Variants in PTPRQ observed in about 807,000 individuals in gnomAD.
The protein encoded by PTPRQ is protein tyrosine phosphatase receptor type Q.
A neutral mutation model predicts 246.0 loss-of-function variants in PTPRQ; 199 were observed. The observed-to-expected ratio is 0.81, with a 90% CI of 0.72 to 0.91. The LOEUF is 0.91. PTPRQ is among the 40% of genes least tolerant of loss of function. PTPRQ has a pLI of 0.00. For missense variants in PTPRQ, 2,624 were observed against 2,528.4 expected (o/e 1.04, Z -0.81); for synonymous variants, 869 against 853.2 (o/e 1.02, Z -0.32).
intron 16 of PTPRQ, among the ~76,000 whole-genome samples, chr12:80,508,279 G>A (rs1895023485): frequency 6.6e-6 from 1 of 152,018 alleles, no homozygotes; most frequent in Non-Finnish European, 1.5e-5. Context: ...GGAACTCCTT[G>A]CCCTCATGAA....
intron 14 of PTPRQ, among the ~76,000 whole-genome samples, chr12:80,498,963 C>CT (rs1303429631): frequency 6.6e-6 from 1 of 151,824 alleles, no homozygotes; most frequent in Non-Finnish European, 1.5e-5. Context: ...GGACAATAAA[C>CT]TTTAAGTGAA....
intron 36 of PTPRQ, 137 bp from the exon 37 acceptor site, chr12:80,649,451 C>A: frequency 1.7e-6 from 2 of 1,205,510 alleles, no homozygotes; most frequent in Non-Finnish European, 2.2e-6. Context: ...AACAGAGTGA[C>A]TTTAAAAAGC....
chr12:80,480,604 C>A (rs997133562), intron 8 of PTPRQ, among the ~76,000 whole-genome samples: 1 of 150,662 alleles, frequency 6.6e-6, no homozygotes, highest in Non-Finnish European at 1.5e-5. Flanking sequence ...TTGAAAGGAT[C>A]AACAAAATAC....
intron 34 of PTPRQ, among the ~76,000 whole-genome samples, chr12:80,633,498 C>A (rs1230087049): frequency 1.3e-5 from 2 of 152,178 alleles, no homozygotes; most frequent in African/African-American, 4.8e-5. Flanking sequence ...AGGCAGATTG[C>A]CGAGTTAAAG....
chr12:80,577,958 A>T (rs1467498967), intron 25 of PTPRQ, among the ~76,000 whole-genome samples: 1 of 152,168 alleles, frequency 6.6e-6, no homozygotes, highest in Non-Finnish European at 1.5e-5. Context: ...TGAACGGTAT[A>T]CTTACAATCT....
intron 39 of PTPRQ, among the ~76,000 whole-genome samples, chr12:80,659,490 T>G (rs111285276): frequency 1.3e-5 from 2 of 152,064 alleles, no homozygotes; most frequent in African/African-American, 4.8e-5. Flanking sequence ...TATTCACCAA[T>G]AAGTAGATAC....
chr12:80,545,747 T>A (rs1896282831), intron 23 of PTPRQ, among the ~76,000 whole-genome samples: 1 of 148,278 alleles, frequency 6.7e-6, no homozygotes, highest in Non-Finnish European at 1.5e-5. Flanking sequence ...AATTATTATT[T>A]TAAAATAATA....
chr12:80,610,473 A>C lies in PTPRQ; in HGVS notation c.4766A>C (p.Lys1589Thr), dbSNP rs1017065777. ...DNDEFNISFI[K>T]SNEENKTIEI... ...GATGAATTTAATATATCCTTCATCA[A>C]GTCAAATGAAGAAAATAAAACCATA... Residue 1589 changes from lysine to threonine, a missense_variant, in exon 28 of 45, where the codon AAG becomes ACG. Transcript: ENST00000644991. The C allele has an allele frequency of 6.6e-7, 1 of 1,507,564 alleles. No homozygotes were observed. Among genetic ancestry groups the C allele is most frequent in the African/African-American group, 1.4e-5 (1 of 71,004 alleles). 93.4% of individuals were successfully genotyped at this position (1,507,564 alleles called of 1,614,324 possible).
At chr12:80,504,672 C>T (rs1376143476) in intron 14 of PTPRQ, among the ~76,000 whole-genome samples, 1 of 151,774 alleles carries the variant, frequency 6.6e-6, no homozygotes, top group Admixed American at 6.6e-5. Context: ...TTTTTATTTA[C>T]TTCTAGTTGC....
chr12:80,535,954 A>G (rs964103667), intron 19 of PTPRQ, among the ~76,000 whole-genome samples: 1 of 152,126 alleles, frequency 6.6e-6, no homozygotes, highest in African/African-American at 2.4e-5. Context: ...AAAAATACAA[A>G]AAATTAGCCA....
intron 25 of PTPRQ, among the ~76,000 whole-genome samples, chr12:80,559,464 T>A (rs1356068257): frequency 6.6e-6 from 1 of 152,222 alleles, no homozygotes; most frequent in Non-Finnish European, 1.5e-5. Context: ...GTCTAATTGC[T>A]CTAGCACCAC....
At chr12:80,511,995 C>T (rs556111888) in intron 17 of PTPRQ, among the ~76,000 whole-genome samples, 1 of 152,226 alleles carries the variant, frequency 6.6e-6, no homozygotes, top group African/African-American at 2.4e-5. Context: ...TTTTAGTAGT[C>T]TGGGAAAGAG....
In PTPRQ at chr12:80,588,455, G is replaced by A. The variant is rs1349651624; in HGVS notation, c.4609+3G>A. ...TTCTACAAAAACTCTGCCTGGCCGTGAGTATTGTCCTGACATGTACATACT... is the reference window on the plus strand; with the variant it reads ...TTCTACAAAAACTCTGCCTGGCCGTAAGTATTGTCCTGACATGTACATACT... On this transcript the variant is annotated splice_donor_region_variant and intron_variant, in intron 26 of 44. Transcript: ENST00000644991. 6.1e-6 allele frequency: 9 copies of A among 1,475,440 alleles called. No homozygotes were observed. The highest frequency in any genetic ancestry group is 1.8e-4 in the Middle Eastern group (1 of 5,618). The allele number at this position is 1,475,440 out of a possible 1,614,324, so 91.4% of individuals were successfully genotyped here.
chr12:80,550,423 G>T (rs1042447453), intron 25 of PTPRQ, among the ~76,000 whole-genome samples: 2 of 152,110 alleles, frequency 1.3e-5, no homozygotes, highest in African/African-American at 4.8e-5. Flanking sequence ...CTTTCAAGCC[G>T]TCTTGAGGCT....
At chr12:80,542,634 TC>T in intron 22 of PTPRQ, 95 bp from the exon 23 acceptor site, 1 of 1,319,930 alleles carries the variant, frequency 7.6e-7, no homozygotes, top group Non-Finnish European at 1.0e-6. Flanking sequence ...ATTTTATAAA[TC>T]TTTTTAAACT....
intron 6 of PTPRQ, among the ~76,000 whole-genome samples, chr12:80,466,979 G>T (rs11114465): frequency 2.0e-5 from 3 of 150,650 alleles, no homozygotes; most frequent in Non-Finnish European, 4.4e-5. Context: ...ACCAAAAGCA[G>T]TGGCAACAAA....
At position 80,606,398 on chromosome 12, in the gene PTPRQ, T is replaced by C. The variant is rs899083639; in HGVS notation, c.4731+1218T>C. Among the ~76,000 whole-genome samples the C allele has an allele frequency of 3.3e-5, 5 of 151,114 alleles. No individual in the cohort carries two copies. In the East Asian group the frequency reaches 5.9e-4, roughly 18 times the overall value. On this transcript the variant is annotated intron_variant, in intron 27 of 44. Coordinates refer to ENST00000644991, the MANE Select transcript of PTPRQ (RefSeq NM_001145026.2). ...TTAAATAAGAGGCCATTGAAGAGAC[T>C]GAATGGGAGTAGATAGCCATTTGGA...
At chr12:80,539,325 T>A (rs997559432) in intron 19 of PTPRQ, among the ~76,000 whole-genome samples, 2 of 152,096 alleles carry the variant, frequency 1.3e-5, no homozygotes, top group Admixed American at 6.5e-5. Flanking sequence ...GCGATTTGAG[T>A]TCATAGAAAC....
At chr12:80,485,696 G>T (rs936958559) in intron 9 of PTPRQ, among the ~76,000 whole-genome samples, 1 of 152,048 alleles carries the variant, frequency 6.6e-6, no homozygotes, top group African/African-American at 2.4e-5. Flanking sequence ...TGCTTTCTGT[G>T]ATACTCTGGT....
Sources: gnomAD v4.1 joint callset for allele counts (sites outside exome capture counted in the v4.1 genomes callset) on GRCh38, gnomAD v4.1.1 for gene constraint, MANE v1.5 for transcripts, NCBI Gene and HGNC (gene_info 2026-07-23, HGNC 2026-07-21) for gene names.